POLR3G: variants seen among roughly 807,000 people sequenced by gnomAD.
POLR3G encodes the protein DNA-directed RNA polymerase III subunit RPC7.
A neutral mutation model predicts 30.1 loss-of-function variants in POLR3G; 28 were observed. The ratio of observed to expected loss-of-function variants is 0.93; its 90% confidence interval spans 0.69 to 1.27. The LOEUF is 1.27. POLR3G is among the 50% of genes most tolerant of loss of function. The probability of loss-of-function intolerance (pLI) is 0.00; values close to 1 mark genes in which losing one functional copy is unlikely to be tolerated. For missense variants in POLR3G, 254 were observed against 264.6 expected, an observed-to-expected ratio of 0.96 and a Z score of 0.28; for synonymous variants, 79 against 82.5, an observed-to-expected ratio of 0.96 and a Z score of 0.23.
intron 7 of POLR3G, 98 bp downstream of exon 7, chr5:90,506,772 G>C: frequency 2.2e-6 from 3 of 1,388,548 alleles, no homozygotes; most frequent in South Asian, 4.4e-5. Context: ...CAGAAACCAA[G>C]ATGATGGGAA....
intron 4 of POLR3G, among the ~76,000 whole-genome samples, chr5:90,497,029 A>G: frequency 6.6e-6 from 1 of 152,344 alleles, no homozygotes; most frequent in South Asian, 2.1e-4. Flanking sequence ...AGCAGGCAAT[A>G]TTTTTAAATC....
At position 90,501,944 on chromosome 5, in the gene POLR3G, G is replaced by A. The variant is rs1752264721; in HGVS notation, c.394G>A (p.Gly132Ser). The A allele has an allele frequency of 1.9e-6, 3 of 1,613,448 alleles. No individual in the cohort carries two copies. Among genetic ancestry groups the A allele is most frequent in the Non-Finnish European group, 2.5e-6 (3 of 1,179,616 alleles). ...KPKKAKDAGK[G>S]TPLTNTEDVL... ...CAAAAAGGCAAAAGACGCAGGCAAA[G>A]GCACACCACTCACTAATACTGAAGA... Residue 132 changes from glycine to serine, a missense_variant, in exon 6 of 8, where the codon GGC (glycine) becomes AGC (serine). By Grantham distance (56) the Gly-to-Ser change is moderately conservative. Coordinates refer to ENST00000651687, the MANE Select transcript of POLR3G (RefSeq NM_006467.3).
intron 5 of POLR3G, among the ~76,000 whole-genome samples, chr5:90,501,252 T>C (rs894288127): frequency 1.3e-5 from 2 of 152,198 alleles, no homozygotes; most frequent in African/African-American, 4.8e-5. Context: ...CAGAAGTATT[T>C]TTATTTTATT....
rs1450108530 is a variant in POLR3G, at chr5:90,501,952, A to G, written c.402A>G (p.Pro134=). The G allele has an allele frequency of 1.9e-6, 3 of 1,613,280 alleles. No individual in the cohort carries two copies. The highest frequency in any genetic ancestry group is 2.7e-5 in the African/African-American group (2 of 74,816). ...CAAAAGACGCAGGCAAAGGCACACC[A>G]CTCACTAATACTGAAGATGTGTTGA... ...KKAKDAGKGT[P]LTNTEDVLKK... The change falls in exon 6 of 8, where the codon CCA becomes CCG. Residue 134 remains proline, a synonymous_variant. Transcript: ENST00000651687.
In POLR3G at chr5:90,513,162, T is replaced by C. The variant is rs72781088; in HGVS notation, c.*1023T>C. 0.056 allele frequency: 8,590 copies of C among 152,652 alleles called. 348 individuals carry two copies. Among genetic ancestry groups the C allele is most frequent in the Non-Finnish European group, 0.083 (5,632 of 67,968 alleles). 9.5% of individuals were successfully genotyped at this position (152,652 alleles called of 1,614,324 possible). A position where few individuals can be genotyped will look rare whatever the true frequency, so the allele number is the denominator to read the frequency against. On this transcript the variant is annotated 3_prime_UTR_variant, in exon 8 of 8. Coordinates refer to ENST00000651687, the MANE Select transcript of POLR3G (RefSeq NM_006467.3). ...TAAAAACCTCAGCCTACAAAGACTCTCAGAAATGCCAAAGATTTTCAAGGA... is the reference window on the plus strand; with the variant it reads ...TAAAAACCTCAGCCTACAAAGACTCCCAGAAATGCCAAAGATTTTCAAGGA...
intron 7 of POLR3G, among the ~76,000 whole-genome samples, chr5:90,511,202 G>A (rs1290303415): frequency 6.6e-6 from 1 of 152,084 alleles, no homozygotes; most frequent in Non-Finnish European, 1.5e-5. Flanking sequence ...CCACAAATAT[G>A]TCAGTATGGA....
intron 1 of POLR3G, among the ~76,000 whole-genome samples, chr5:90,478,961 A>C (rs1266807264): frequency 1.3e-5 from 2 of 149,644 alleles, no homozygotes; most frequent in Non-Finnish European, 3.0e-5. Context: ...TTTCTTTAAA[A>C]CCTCTCTCAG....
chr5:90,479,019 G>A (rs1438939396), intron 1 of POLR3G, among the ~76,000 whole-genome samples: 5 of 151,836 alleles, frequency 3.3e-5, no homozygotes, highest in Non-Finnish European at 7.4e-5. Flanking sequence ...GGGGAAAAAA[G>A]CCTTAATAAT....
chr5:90,506,755 C>A, intron 7 of POLR3G, 81 bp downstream of exon 7: 1 of 1,401,440 alleles, frequency 7.1e-7, no homozygotes, highest in South Asian at 2.1e-5. Flanking sequence ...GTATTGAAAT[C>A]AATAAACAGA....
intron 5 of POLR3G, among the ~76,000 whole-genome samples, chr5:90,500,597 C>T (rs1216950250): frequency 6.6e-6 from 1 of 151,944 alleles, no homozygotes; most frequent in Non-Finnish European, 1.5e-5. Flanking sequence ...AGTCTTTGCC[C>T]TCGAGGGGGT....
At position 90,481,717 on chromosome 5, in the gene POLR3G, G is replaced by A. The variant is rs140720284; in HGVS notation, c.-43-3808G>A. Among the ~76,000 whole-genome samples, 19 of 152,246 alleles carry A rather than the reference G, an allele frequency of 1.2e-4. No homozygotes were observed. The East Asian group carries it at 3.7e-3, about 29-fold the overall frequency. The stretch of plus-strand genomic sequence containing the variant: ...AGTTTAAAAGAAAGTTAAATGTCAT[G>A]TATTTTTTATATCTTGATTTGAACA... On this transcript the variant is annotated intron_variant, in intron 1 of 7. Transcript: ENST00000651687.
In POLR3G at chr5:90,512,071, T is replaced by C; in HGVS notation, c.604T>C (p.Ser202Pro). The change falls in exon 8 of 8, where the codon TCA becomes CCA. Residue 202 changes from serine to proline, a missense_variant. Ser to Pro is a moderately conservative substitution (Grantham distance 74). Coordinates refer to ENST00000651687, the MANE Select transcript of POLR3G (RefSeq NM_006467.3). ...EQEEENDYINSYFEDGDDFGA... is the reference protein window; with the variant it reads ...EQEEENDYINPYFEDGDDFGA... ...CACTTAGGAAAATGACTACATTAAT[T>C]CATACTTTGAAGATGGAGATGATTT... 1 of 1,603,292 alleles carries C rather than the reference T, an allele frequency of 6.2e-7. No individual in the cohort carries two copies. Among genetic ancestry groups the C allele is most frequent in the Non-Finnish European group, 8.5e-7 (1 of 1,170,340 alleles).
chr5:90,489,476 T>C (rs892126590), intron 3 of POLR3G, among the ~76,000 whole-genome samples: 4 of 151,976 alleles, frequency 2.6e-5, no homozygotes, highest in African/African-American at 7.3e-5. Flanking sequence ...TTGGCTAGGC[T>C]GGTCTTGAAC....
intron 2 of POLR3G, among the ~76,000 whole-genome samples, chr5:90,486,574 G>A (rs1033740854): frequency 1.3e-5 from 2 of 152,234 alleles, no homozygotes; most frequent in Middle Eastern, 3.4e-3. Flanking sequence ...CAGGCCTTTG[G>A]CCCTGCTGGT....
At chr5:90,497,743 AAGG>A in intron 5 of POLR3G, 37 bp downstream of exon 5, 1 of 1,572,794 alleles carries the variant, frequency 6.4e-7, no homozygotes, top group Non-Finnish European at 8.6e-7. Flanking sequence ...CAGGTAGGAA[AAGG>A]TTATTTCTTA....
intron 7 of POLR3G, among the ~76,000 whole-genome samples, chr5:90,510,910 T>C (rs1254835491): frequency 3.3e-5 from 5 of 151,730 alleles, no homozygotes; most frequent in Non-Finnish European, 7.4e-5. Flanking sequence ...GTAAAATTGA[T>C]AGGAGACTTT....
chr5:90,493,228 T>C (rs951371620), intron 3 of POLR3G, among the ~76,000 whole-genome samples: 1 of 147,726 alleles, frequency 6.8e-6, no homozygotes, highest in African/African-American at 2.5e-5. Flanking sequence ...AATTGCTTAG[T>C]AAAATCTCCA....
At position 90,506,659 on chromosome 5, in the gene POLR3G, A is replaced by G. The variant is rs776684072; in HGVS notation, c.570A>G (p.Glu190=). 1.2e-6 allele frequency: 2 copies of G among 1,605,884 alleles called. No individual in the cohort carries two copies. The highest frequency in any genetic ancestry group is 4.5e-5 in the East Asian group (2 of 44,792). The stretch of plus-strand genomic sequence containing the variant: ...CCGCAGAACAGGAGGAATATGATGA[A>G]GAAGAGCAAGAAGAGGTAATGGTTC... ...DDAAEQEEYD[E]EEQEEENDYI... The change falls in exon 7 of 8, where the codon GAA becomes GAG. Residue 190 remains glutamate, a synonymous_variant. Transcript: ENST00000651687.
chr5:90,484,487 T>C (rs1204693132), intron 1 of POLR3G, among the ~76,000 whole-genome samples: 1 of 152,236 alleles, frequency 6.6e-6, no homozygotes, highest in African/African-American at 2.4e-5. Flanking sequence ...TATAAAGACG[T>C]AGCACCTTGT....
Sources: gnomAD v4.1 joint callset for allele counts (sites outside exome capture counted in the v4.1 genomes callset) on GRCh38, gnomAD v4.1.1 for gene constraint, MANE v1.5 for transcripts, NCBI Gene and HGNC (gene_info 2026-07-23, HGNC 2026-07-21) for gene names.